RALGPS2: variants seen among roughly 807,000 people sequenced by gnomAD.
RALGPS2 encodes the protein ras-specific guanine nucleotide-releasing factor RalGPS2.
A neutral mutation model predicts 86.8 loss-of-function variants in RALGPS2; 43 were observed. The observed-to-expected ratio is 0.50, with a 90% CI of 0.39 to 0.64. The LOEUF is 0.64. Among genes scored for constraint, RALGPS2 ranks in the 30% least tolerant of loss-of-function variants. The pLI, the probability that RALGPS2 is intolerant of heterozygous loss-of-function variation, is 0.00. For missense variants in RALGPS2, 536 were observed against 694.6 expected, an observed-to-expected ratio of 0.77 and a Z score of 2.57; for synonymous variants, 243 against 231.3, an observed-to-expected ratio of 1.05 and a Z score of -0.46.
chr1:178,768,850 G>T (rs568465282), intron 1 of RALGPS2, among the ~76,000 whole-genome samples: 2 of 152,244 alleles, frequency 1.3e-5, no homozygotes, highest in South Asian at 4.1e-4. Context: ...TCTACACATA[G>T]ATAGGAGTGG....
At chr1:178,911,928 C>A (rs1436551163) in intron 19 of RALGPS2, among the ~76,000 whole-genome samples, 1 of 152,168 alleles carries the variant, frequency 6.6e-6, no homozygotes, top group Non-Finnish European at 1.5e-5. Context: ...GTTAAGTCTT[C>A]TGGATGAATT....
Position 178,885,061 on chromosome 1 carries a change from A to G in RALGPS2, c.905-15A>G, listed in dbSNP as rs950711347. 1 of 1,556,906 alleles carries G rather than the reference A, an allele frequency of 6.4e-7. No homozygotes were observed. Among genetic ancestry groups the G allele is most frequent in the Admixed American group, 2.3e-5 (1 of 44,004 alleles). On this transcript the variant is annotated splice_polypyrimidine_tract_variant and intron_variant, in intron 11 of 19. Transcript: ENST00000367635. ...AAAGTAATCATTTGAAAATCTCTTT[A>G]AATTTAACCCTTAGGTCCTGAAGTA...
At chr1:178,888,443 C>G (rs1461501837) in intron 13 of RALGPS2, among the ~76,000 whole-genome samples, 1 of 152,080 alleles carries the variant, frequency 6.6e-6, no homozygotes, top group Non-Finnish European at 1.5e-5. Context: ...TAAACATTTT[C>G]TAATGTGGTA....
chr1:178,765,907 C>G (rs1471270271), intron 1 of RALGPS2, among the ~76,000 whole-genome samples: 2 of 152,164 alleles, frequency 1.3e-5, no homozygotes, highest in Admixed American at 1.3e-4. Flanking sequence ...CTCCCTTGTT[C>G]CCTGAACATC....
chr1:178,759,416 G>C (rs1432709820), intron 1 of RALGPS2, among the ~76,000 whole-genome samples: 1 of 151,592 alleles, frequency 6.6e-6, no homozygotes, highest in Non-Finnish European at 1.5e-5. Flanking sequence ...TGGATTCTCT[G>C]TTCTGTTCAA....
chr1:178,862,874 A>G (rs751489451), intron 8 of RALGPS2, among the ~76,000 whole-genome samples: 3 of 152,168 alleles, frequency 2.0e-5, no homozygotes, highest in African/African-American at 4.8e-5. Flanking sequence ...GTTTAAGAAG[A>G]TGAATCTGCT....
At chr1:178,814,361 T>C (rs1044704207) in intron 6 of RALGPS2, among the ~76,000 whole-genome samples, 3 of 152,230 alleles carry the variant, frequency 2.0e-5, no homozygotes, top group African/African-American at 7.2e-5. Flanking sequence ...TGTATGAGTC[T>C]CTTGGTGCTT....
intron 7 of RALGPS2, among the ~76,000 whole-genome samples, chr1:178,830,418 C>G (rs1655962665): frequency 6.6e-6 from 1 of 151,964 alleles, no homozygotes; most frequent in Admixed American, 6.6e-5. Context: ...CCAGAAATAC[C>G]TCCTTGTTTT....
Position 178,889,698 on chromosome 1 carries a change from TAAGATAA to T in RALGPS2, c.1247+4_1247+10del. The T allele has an allele frequency of 6.2e-7, 1 of 1,600,772 alleles. No homozygotes were observed. The highest frequency in any genetic ancestry group is 8.5e-7 in the Non-Finnish European group (1 of 1,171,628). On this transcript the variant is annotated splice_donor_5th_base_variant and intron_variant, in intron 14 of 19. Transcript: ENST00000367635. ...GACCTCATGGCCTGCTTTTGAAAGG[TAAGATAA>T]ATTGTCCATTTGAACTACTTGGAGT... is the stretch of plus-strand genomic sequence containing the variant.
At chr1:178,852,658 A>G (rs763920096) in intron 8 of RALGPS2, 3 of 1,594,394 alleles carry the variant, frequency 1.9e-6, no homozygotes, top group African/African-American at 1.4e-5. Flanking sequence ...TGATTCTACA[A>G]AGAATGAAAG....
At chr1:178,731,246 A>G (rs1265726247) in intron 1 of RALGPS2, among the ~76,000 whole-genome samples, 3 of 136,326 alleles carry the variant, frequency 2.2e-5, no homozygotes, top group Admixed American at 7.4e-5. Context: ...AATTTAGCAG[A>G]TGATTATACT....
At chr1:178,766,228 G>A (rs149833845) in intron 1 of RALGPS2, among the ~76,000 whole-genome samples, 244 of 152,040 alleles carry the variant, frequency 1.6e-3, no homozygotes, top group African/African-American at 5.4e-3. Context: ...TATGTTCTTC[G>A]GCCATGGCTT....
At chr1:178,786,314 T>A (rs1216332250) in intron 4 of RALGPS2, among the ~76,000 whole-genome samples, 1 of 152,094 alleles carries the variant, frequency 6.6e-6, no homozygotes, top group Non-Finnish European at 1.5e-5. Flanking sequence ...TGAAGCTTTT[T>A]AATGGGAAGA....
Position 178,757,894 on chromosome 1 carries a change from G to C in RALGPS2, c.-83-18788G>C, listed in dbSNP as rs542772063. On this transcript the variant is annotated intron_variant, in intron 1 of 19. Coordinates refer to ENST00000367635, the MANE Select transcript of RALGPS2 (RefSeq NM_152663.5). ...CCAGTTTTTCTTTGTATGTCTGGTA[G>C]AATTTGTGAATCCATCTGGTCTAGG... Among the ~76,000 whole-genome samples the C allele has an allele frequency of 2.0e-5, 3 of 152,262 alleles. No homozygotes were observed. The East Asian group carries it at 5.8e-4, about 29-fold the overall frequency.
At chr1:178,875,762 T>TA (rs891735794) in intron 8 of RALGPS2, among the ~76,000 whole-genome samples, 11 of 151,036 alleles carry the variant, frequency 7.3e-5, no homozygotes, top group African/African-American at 1.9e-4. Context: ...AAAAATGGTT[T>TA]AAAAAAAAAT....
rs182491813 is a variant in RALGPS2 at position 178,832,024 on chromosome 1, G to A, written c.481-1400G>A. Among the ~76,000 whole-genome samples, 1,301 of 152,200 alleles carry A rather than the reference G, an allele frequency of 8.5e-3. 17 individuals are homozygous for A. The highest frequency in any genetic ancestry group is 0.029 in the African/African-American group (1,204 of 41,536). On this transcript the variant is annotated intron_variant, in intron 7 of 19. Transcript: ENST00000367635. ...AAAGTTTTTGAATGATTGACTTAGGGGAAAATAAAGAGCAGGTTTATCATT... is the reference window on the plus strand; with the variant it reads ...AAAGTTTTTGAATGATTGACTTAGGAGAAAATAAAGAGCAGGTTTATCATT...
intron 3 of RALGPS2, among the ~76,000 whole-genome samples, chr1:178,785,313 A>G (rs1396267703): frequency 2.6e-5 from 4 of 151,912 alleles, no homozygotes. Flanking sequence ...TGACTGTCCA[A>G]ATTTTTAAAA....
intron 8 of RALGPS2, among the ~76,000 whole-genome samples, chr1:178,856,202 G>GAGATATATATATATATATATAT (rs1428022812): frequency 5.0e-4 from 42 of 83,890 alleles, no homozygotes; most frequent in African/African-American, 2.6e-3. Context: ...GAGAGAGAGA[G>GAGATATATATATATATATATAT]ATATATATAT....
chr1:178,817,167 C>G (rs1655271269), intron 6 of RALGPS2, among the ~76,000 whole-genome samples: 1 of 151,194 alleles, frequency 6.6e-6, no homozygotes, highest in Admixed American at 6.6e-5. Flanking sequence ...TGAGACCAGC[C>G]TGGCCAAACT....
Sources: gnomAD v4.1 joint callset for allele counts (sites outside exome capture counted in the v4.1 genomes callset) on GRCh38, gnomAD v4.1.1 for gene constraint, MANE v1.5 for transcripts, NCBI Gene and HGNC (gene_info 2026-07-23, HGNC 2026-07-21) for gene names.